PTCHD4: variants seen among roughly 807,000 people sequenced by gnomAD.
The protein encoded by PTCHD4 is patched domain-containing protein 4.
PTCHD4 carries 33 observed loss-of-function variants against 58.1 expected under a neutral mutation model. The ratio of observed to expected loss-of-function variants is 0.57; its 90% CI spans 0.43 to 0.76. PTCHD4 has a LOEUF of 0.76. Among genes scored for constraint, PTCHD4 ranks in the 30% least tolerant of loss-of-function variants. PTCHD4 has a pLI of 0.00. For synonymous variants in PTCHD4, 478 were observed against 409.6 expected (o/e 1.17, Z -2.02); for missense variants, 1,058 against 1,027.1 (o/e 1.03, Z -0.41).
At chr6:48,102,941 A>T (rs1277650342) in intron 1 of PTCHD4, among the ~76,000 whole-genome samples, 1 of 152,192 alleles carries the variant, frequency 6.6e-6, no homozygotes, top group Non-Finnish European at 1.5e-5. Context: ...CGAGTAGGTA[A>T]ACAAAGTGGC....
At chr6:47,898,464 C>T (rs1010183000) in intron 4 of PTCHD4, among the ~76,000 whole-genome samples, 1 of 152,182 alleles carries the variant, frequency 6.6e-6, no homozygotes, top group Non-Finnish European at 1.5e-5. Context: ...TAAACATATA[C>T]TGTGTTTAGG....
intron 4 of PTCHD4, among the ~76,000 whole-genome samples, chr6:47,970,242 T>A (rs183382526): frequency 6.6e-6 from 1 of 152,182 alleles, no homozygotes; most frequent in East Asian, 1.9e-4. Flanking sequence ...CCCATGAAGA[T>A]AATGTAGCTT....
intron 4 of PTCHD4, among the ~76,000 whole-genome samples, chr6:47,946,218 T>G (rs1437958790): frequency 2.0e-5 from 3 of 152,112 alleles, no homozygotes; most frequent in Admixed American, 6.6e-5. Context: ...AGTAAATTTG[T>G]TCATTGTGTT....
chr6:47,903,714 C>T (rs560784401), intron 4 of PTCHD4, among the ~76,000 whole-genome samples: 8 of 152,280 alleles, frequency 5.3e-5, no homozygotes, highest in African/African-American at 1.9e-4. Context: ...CAAGGCAGAG[C>T]AAGTCCCTTC....
chr6:47,923,073 G>A (rs1765484186), intron 4 of PTCHD4, among the ~76,000 whole-genome samples: 1 of 152,138 alleles, frequency 6.6e-6, no homozygotes, highest in South Asian at 2.1e-4. Context: ...CTGGACAGGA[G>A]TATAGAGAGA....
chr6:48,021,253 G>A (rs926432124), intron 3 of PTCHD4, among the ~76,000 whole-genome samples: 3 of 152,064 alleles, frequency 2.0e-5, no homozygotes, highest in Non-Finnish European at 4.4e-5. Context: ...ATAAAAGATA[G>A]TATTTTACCT....
intron 3 of PTCHD4, among the ~76,000 whole-genome samples, chr6:48,041,836 CT>C (rs1289248518): frequency 2.0e-5 from 3 of 151,882 alleles, no homozygotes; most frequent in Non-Finnish European, 4.4e-5. Context: ...TTTTTACTCT[CT>C]TTTTCTTATC....
Position 47,877,794 on chromosome 6 carries a change from A to G in PTCHD4, c.*509T>C, listed in dbSNP as rs1274873659. Among the ~76,000 whole-genome samples the G allele has an allele frequency of 1.3e-5, 2 of 152,078 alleles. No homozygotes were observed. Among genetic ancestry groups the G allele is most frequent in the Non-Finnish European group, 2.9e-5 (2 of 67,986 alleles). ...ATGTATATACGGGATATATACATAT[A>G]TATGTACACATAAAATGGATTGGGA... On this transcript the variant is annotated 3_prime_UTR_variant, in exon 5 of 5. Coordinates refer to ENST00000339488, the MANE Select transcript of PTCHD4 (RefSeq NM_001384253.1).
In PTCHD4 at chr6:47,866,558, C is replaced by T. The variant is rs910575957; in HGVS notation, c.*11745G>A. Among the ~76,000 whole-genome samples, 7 of 151,914 alleles carry T rather than the reference C, an allele frequency of 4.6e-5. No homozygotes were observed. The highest frequency in any genetic ancestry group is 1.9e-4 in the East Asian group (1 of 5,138). ...TACTTCTGTGAACAGATGTCCTCCT[C>T]GTGAACCAGTTGGAAAATGGGGCCT... On this transcript the variant is annotated 3_prime_UTR_variant, in exon 5 of 5. Transcript: ENST00000339488.
chr6:47,961,207 G>T (rs909495852), intron 4 of PTCHD4, among the ~76,000 whole-genome samples: 1 of 151,742 alleles, frequency 6.6e-6, no homozygotes. Context: ...TTCAAAAATT[G>T]GGAAACTATA....
chr6:48,090,783 C>T (rs894123863), intron 1 of PTCHD4, among the ~76,000 whole-genome samples: 2 of 152,156 alleles, frequency 1.3e-5, no homozygotes, highest in African/African-American at 4.8e-5. Flanking sequence ...ATGTAATATT[C>T]ATCAACAGTT....
chr6:48,027,657 A>T (rs112917502), intron 3 of PTCHD4, among the ~76,000 whole-genome samples: 96 of 152,278 alleles, frequency 6.3e-4, no homozygotes, highest in African/African-American at 2.1e-3. Flanking sequence ...AACTTTTGGC[A>T]TCTTGTTTTC....
intron 1 of PTCHD4, among the ~76,000 whole-genome samples, chr6:48,077,957 C>T (rs1482236863): frequency 6.6e-6 from 1 of 152,138 alleles, no homozygotes; most frequent in African/African-American, 2.4e-5. Context: ...GATATCTAGA[C>T]ACAAAGTGAG....
At chr6:48,029,721 G>A (rs926245708) in intron 3 of PTCHD4, among the ~76,000 whole-genome samples, 2 of 152,044 alleles carry the variant, frequency 1.3e-5, no homozygotes, top group Non-Finnish European at 2.9e-5. Flanking sequence ...ATTTGCATAA[G>A]TTCAAACAGA....
Position 48,104,094 on chromosome 6 carries a change from C to T in PTCHD4, c.-970+6955G>A, listed in dbSNP as rs1047557515. Among the ~76,000 whole-genome samples, 4 of 152,120 alleles carry T rather than the reference C, an allele frequency of 2.6e-5. No homozygotes were observed. The South Asian group carries it at 6.2e-4, about 24-fold the overall frequency. Reference sequence around the variant, plus strand: ...GGCCAACATTCAAATTCGGGAAATACAGAGAATGCCACAAAGATACTCCTC... The same window carrying T: ...GGCCAACATTCAAATTCGGGAAATATAGAGAATGCCACAAAGATACTCCTC... On this transcript the variant is annotated intron_variant, in intron 1 of 4. Coordinates refer to ENST00000339488, the MANE Select transcript of PTCHD4 (RefSeq NM_001384253.1).
At chr6:48,011,145 A>T (rs964438529) in intron 3 of PTCHD4, among the ~76,000 whole-genome samples, 1 of 75,334 alleles carries the variant, frequency 1.3e-5, no homozygotes, top group African/African-American at 4.5e-5. Flanking sequence ...ATCCTTGCAG[A>T]ATCGCCACAC....
intron 4 of PTCHD4, among the ~76,000 whole-genome samples, chr6:48,002,659 A>T (rs1768780110): frequency 1.3e-5 from 2 of 152,058 alleles, no homozygotes; most frequent in South Asian, 4.1e-4. Flanking sequence ...ACCTAATGTT[A>T]AATGACGAGT....
rs1160904921 is a variant in PTCHD4, at chr6:48,090,704, T to C, written c.-970+20345A>G. Among the ~76,000 whole-genome samples the C allele has an allele frequency of 2.6e-5, 4 of 152,264 alleles. No homozygotes were observed. The East Asian group carries it at 5.8e-4, about 22-fold the overall frequency. On this transcript the variant is annotated intron_variant, in intron 1 of 4. Transcript: ENST00000339488. ...GCCATTCAATAATGCAGACAATACA[T>C]CATAATGTAGAATGCGCATTGGTAG...
Position 48,068,579 on chromosome 6 carries a change from C to T in PTCHD4, c.68G>A (p.Gly23Glu), listed in dbSNP as rs1764887442. Reference sequence around the variant, plus strand: ...CAGCCTGTGGCAGAACGACTGGAGCCCTCTGCGAAGCACCTGCCGCAGCAT... The same window carrying T: ...CAGCCTGTGGCAGAACGACTGGAGCTCTCTGCGAAGCACCTGCCGCAGCAT... ...WRMLRQVLRRGLQSFCHRLGL... is the reference protein window; with the variant it reads ...WRMLRQVLRRELQSFCHRLGL... The change falls in exon 3 of 5, where the codon GGG (glycine) becomes GAG (glutamate). Residue 23 changes from glycine to glutamate, a missense_variant. Coordinates refer to ENST00000339488, the MANE Select transcript of PTCHD4 (RefSeq NM_001384253.1). The surrounding 1 kb of genome is among the most constrained non-coding windows in gnomAD (Gnocchi z 4.2). 1 of 1,570,946 alleles carries T rather than the reference C, an allele frequency of 6.4e-7. No individual in the cohort carries two copies. The highest frequency in any genetic ancestry group is 1.1e-5 in the South Asian group (1 of 86,974).
Sources: allele counts gnomAD v4.1 joint callset (sites outside exome capture counted in the v4.1 genomes callset), GRCh38; gene constraint gnomAD v4.1.1; non-coding constraint Gnocchi (gnomAD v3.1); transcripts MANE v1.5; gene names NCBI Gene and HGNC (gene_info 2026-07-23, HGNC 2026-07-21).